TACC1: variants seen among roughly 807,000 people sequenced by gnomAD.
TACC1 encodes transforming acidic coiled-coil containing protein 1, also known as transforming acidic coiled-coil-containing protein 1.
A neutral mutation model predicts 84.4 loss-of-function variants in TACC1; 48 were observed. The observed-to-expected ratio is 0.57, with a 90% CI of 0.45 to 0.72. The LOEUF (loss-of-function observed/expected upper bound fraction) is 0.72. Among genes scored for constraint, TACC1 ranks in the 30% least tolerant of loss-of-function variants. The pLI is 0.00. For missense variants in TACC1, 920 were observed against 973.0 expected, an observed-to-expected ratio of 0.95 and a Z score of 0.72; for synonymous variants, 372 against 376.3, an observed-to-expected ratio of 0.99 and a Z score of 0.13.
intron 2 of TACC1, among the ~76,000 whole-genome samples, chr8:38,791,613 T>G (rs1013800250): frequency 3.9e-5 from 6 of 152,254 alleles, no homozygotes; most frequent in Non-Finnish European, 8.8e-5. Flanking sequence ...TATTGAAGTT[T>G]AATTTCTGGG....
At chr8:38,787,983 C>T (rs1201730502) in intron 1 of TACC1, 3 of 508,948 alleles carry the variant, frequency 5.9e-6, no homozygotes, top group African/African-American at 2.0e-5. Flanking sequence ...TCTGCAGTCT[C>T]TCCGCATCCC....
chr8:38,760,036 A>T (rs1029505991), intron 3 of TACC1, among the ~76,000 whole-genome samples: 29 of 145,892 alleles, frequency 2.0e-4, no homozygotes, highest in Middle Eastern at 3.4e-3. Context: ...TTCTTTTTTT[A>T]AAAAAAAAAA....
chr8:38,760,158 T>C (rs1222961979), intron 3 of TACC1, among the ~76,000 whole-genome samples: 1 of 152,208 alleles, frequency 6.6e-6, no homozygotes, highest in Non-Finnish European at 1.5e-5. Context: ...AATCAGGTAC[T>C]AAAAGTAACT....
At chr8:38,799,264 G>A (rs1820767405) in intron 2 of TACC1, among the ~76,000 whole-genome samples, 1 of 152,242 alleles carries the variant, frequency 6.6e-6, no homozygotes, top group African/African-American at 2.4e-5. Context: ...CTGAGCTGCG[G>A]CATCACTGAA....
chr8:38,757,548 G>T, intron 3 of TACC1: 1 of 1,095,116 alleles, frequency 9.1e-7, no homozygotes, highest in African/African-American at 1.7e-5. Flanking sequence ...GCGCTCGGCA[G>T]CGGGGCACGA....
chr8:38,784,860 G>A (rs546379909), upstream of TACC1, among the ~76,000 whole-genome samples: 3 of 152,352 alleles, frequency 2.0e-5, no homozygotes, highest in Non-Finnish European at 2.9e-5. Flanking sequence ...GGACAGATAT[G>A]TAAATAAATA....
At chr8:38,755,974 C>G (rs1301946140) in intron 3 of TACC1, among the ~76,000 whole-genome samples, 1 of 151,576 alleles carries the variant, frequency 6.6e-6, no homozygotes, top group Non-Finnish European at 1.5e-5. Flanking sequence ...GCCACCATGC[C>G]CGGCTAATTT....
chr8:38,803,008 T>C (rs1453289642), intron 2 of TACC1, among the ~76,000 whole-genome samples: 1 of 152,234 alleles, frequency 6.6e-6, no homozygotes, highest in Non-Finnish European at 1.5e-5. Context: ...ATTTCTTTTG[T>C]TAAATTATTT....
Position 38,820,235 on chromosome 8 carries a change from A to C in TACC1, c.991A>C (p.Ile331Leu), listed in dbSNP as rs796945838. 6.2e-7 allele frequency: 1 copy of C among 1,614,160 alleles called. No homozygotes were observed. Residue 331 changes from isoleucine to leucine, a missense_variant, in exon 3 of 13, where the codon ATA becomes CTA. Ile to Leu is a conservative substitution (Grantham distance 5). Transcript: ENST00000317827. Reference protein sequence around the residue: ...EFDFTEDTGNIEARKALPRKL... With the variant: ...EFDFTEDTGNLEARKALPRKL... ...TGATTTCACAGAAGATACAGGAAAC[A>C]TAGAGGCCAGGAAAGCCCTTCCAAG... is the stretch of plus-strand genomic sequence containing the variant.
intron 12 of TACC1, 150 bp downstream of exon 12, chr8:38,846,969 G>A (rs979141385): frequency 3.3e-6 from 3 of 915,476 alleles, no homozygotes; most frequent in African/African-American, 1.7e-5. Context: ...GATCCAGGTG[G>A]AAACAAACAA....
At position 38,740,805 on chromosome 8, in the gene TACC1, T is replaced by C. The variant is rs959320543; in HGVS notation, c.-674-1546T>C. Among the ~76,000 whole-genome samples, 4 of 152,372 alleles carry C rather than the reference T, an allele frequency of 2.6e-5. No homozygotes were observed. In the East Asian group the frequency reaches 7.7e-4, roughly 29 times the overall value. ...GCACAGAGTCATTTTAGTGCAATTC[T>C]GATCTTTCTCCGCAGGAAGATGGAA... is the stretch of plus-strand genomic sequence containing the variant. On this transcript the variant is annotated intron_variant, in intron 1 of 14. Transcript: ENST00000518415.
Position 38,825,319 on chromosome 8 carries a change from A to G in TACC1, c.1403A>G (p.Lys468Arg). 2 of 1,613,970 alleles carry G rather than the reference A, an allele frequency of 1.2e-6. No homozygotes were observed. The highest frequency in any genetic ancestry group is 1.7e-6 in the Non-Finnish European group (2 of 1,179,986). The change falls in exon 4 of 13, where the codon AAG becomes AGG. Residue 468 changes from lysine to arginine, a missense_variant. This residue lies in a region of TACC1 where 762 missense variants were observed against 747.3 expected (regional missense o/e 1.02). Coordinates refer to ENST00000317827, the MANE Select transcript of TACC1 (RefSeq NM_006283.3). ...TCTTCTCTTTCCAGGAGTGGCTGTA[A>G]GGTGAAGAAGCATGAAACTCAGTCT... ...AKSRLITSGC[K>R]VKKHETQSLA...
At chr8:38,808,464 G>A (rs191464625) in intron 2 of TACC1, among the ~76,000 whole-genome samples, 1 of 152,338 alleles carries the variant, frequency 6.6e-6, no homozygotes, top group Admixed American at 6.5e-5. Flanking sequence ...CCAGGCTGGA[G>A]TGCAGTGGTG....
In TACC1 at chr8:38,787,616, G is replaced by T. The variant is rs1817573052; in HGVS notation, c.34G>T (p.Val12Leu). 3 of 1,545,774 alleles carry T rather than the reference G, an allele frequency of 1.9e-6. No homozygotes were observed. The highest frequency in any genetic ancestry group is 2.6e-6 in the Non-Finnish European group (3 of 1,144,560). Residue 12 changes from valine (V) to leucine (L), a missense_variant, in exon 1 of 13, where the codon GTG becomes TTG. Physicochemically the swap from Val to Leu is conservative, Grantham distance 32. Transcript: ENST00000317827. ...CAGCCCGTGGCAGATCCTGTCCCCCGTGCAGTGGGCGAAATGGACGTGGTC... is the reference window on the plus strand; with the variant it reads ...CAGCCCGTGGCAGATCCTGTCCCCCTTGCAGTGGGCGAAATGGACGTGGTC... ...AFSPWQILSPVQWAKWTWSAV... is the reference protein window; with the variant it reads ...AFSPWQILSPLQWAKWTWSAV...
intron 11 of TACC1, among the ~76,000 whole-genome samples, chr8:38,844,535 A>G (rs570563086): frequency 6.6e-6 from 1 of 152,290 alleles, no homozygotes; most frequent in South Asian, 2.1e-4. Context: ...ATGAAATTGA[A>G]TATATTTCAC....
intron 1 of TACC1, among the ~76,000 whole-genome samples, chr8:38,736,877 A>G (rs1276696524): frequency 2.0e-5 from 3 of 152,172 alleles, no homozygotes; most frequent in Admixed American, 6.5e-5. Flanking sequence ...TGGCAGCCAG[A>G]TATCATTGTG....
chr8:38,823,095 T>C (rs1036587226), intron 3 of TACC1, among the ~76,000 whole-genome samples: 1 of 152,122 alleles, frequency 6.6e-6, no homozygotes, highest in Non-Finnish European at 1.5e-5. Flanking sequence ...AAAGAAAAAC[T>C]CCAGATATCA....
intron 3 of TACC1, among the ~76,000 whole-genome samples, chr8:38,767,217 G>A (rs1280292445): frequency 2.0e-5 from 3 of 152,218 alleles, no homozygotes; most frequent in Admixed American, 1.3e-4. Context: ...GGCAAGATAC[G>A]AAGGTAGGAA....
At chr8:38,772,812 A>G (rs1265047905) in intron 3 of TACC1, among the ~76,000 whole-genome samples, 3 of 152,066 alleles carry the variant, frequency 2.0e-5, no homozygotes, top group Non-Finnish European at 2.9e-5. Flanking sequence ...AATATAAACA[A>G]TAAATTGATA....
Sources: allele counts gnomAD v4.1 joint callset (sites outside exome capture counted in the v4.1 genomes callset), GRCh38; gene constraint gnomAD v4.1.1; regional missense constraint gnomAD v4.1.1; transcripts MANE v1.5; gene names NCBI Gene and HGNC (gene_info 2026-07-23, HGNC 2026-07-21).